KHDRBS3: variants seen among roughly 807,000 people sequenced by gnomAD.
KHDRBS3 encodes the protein KH RNA binding domain containing, signal transduction associated 3.
KHDRBS3 carries 23 observed loss-of-function variants against 45.6 expected under a neutral mutation model. That is an observed-to-expected ratio of 0.50 (90% CI 0.36 to 0.72). KHDRBS3 has a LOEUF of 0.72. KHDRBS3 is among the 30% of genes least tolerant of loss of function. The probability of loss-of-function intolerance (pLI) is 0.00; values close to 1 mark genes in which losing one functional copy is unlikely to be tolerated. For missense variants in KHDRBS3, 352 were observed against 424.8 expected, an observed-to-expected ratio of 0.83 and a Z score of 1.51; for synonymous variants, 162 against 156.5, an observed-to-expected ratio of 1.04 and a Z score of -0.26.
intron 6 of KHDRBS3, among the ~76,000 whole-genome samples, chr8:135,588,224 G>A (rs562779065): frequency 2.2e-4 from 33 of 152,106 alleles, no homozygotes; most frequent in Non-Finnish European, 3.5e-4. Context: ...TTGTTAGAAC[G>A]GCTCAGAACT....
downstream of KHDRBS3, among the ~76,000 whole-genome samples, chr8:135,649,344 C>T (rs1831382875): frequency 6.6e-6 from 1 of 152,024 alleles, no homozygotes; most frequent in Non-Finnish European, 1.5e-5. Flanking sequence ...GATGCTTATC[C>T]CATGCAGTTG....
chr8:135,646,040 C>T (rs890059073), intron 8 of KHDRBS3, among the ~76,000 whole-genome samples: 8 of 113,100 alleles, frequency 7.1e-5, no homozygotes, highest in African/African-American at 2.5e-4. Context: ...GTAACAAACA[C>T]TTAAGAGAAA....
At chr8:135,614,847 G>A (rs1829853105) in intron 7 of KHDRBS3, among the ~76,000 whole-genome samples, 1 of 151,860 alleles carries the variant, frequency 6.6e-6, no homozygotes, top group East Asian at 1.9e-4. Context: ...GTAGATACGT[G>A]GACCACTGCA....
intron 6 of KHDRBS3, among the ~76,000 whole-genome samples, chr8:135,594,692 A>G (rs1828895632): frequency 1.3e-5 from 2 of 152,240 alleles, no homozygotes; most frequent in African/African-American, 4.8e-5. Flanking sequence ...TGTAATATCC[A>G]GTACTATTCA....
At chr8:135,601,794 C>T (rs1347738585) in intron 6 of KHDRBS3, among the ~76,000 whole-genome samples, 1 of 152,160 alleles carries the variant, frequency 6.6e-6, no homozygotes, top group Non-Finnish European at 1.5e-5. Flanking sequence ...TACTTTGATT[C>T]CACTCAATTA....
chr8:135,573,114 G>GC (rs1208007792), intron 5 of KHDRBS3, among the ~76,000 whole-genome samples: 1 of 152,010 alleles, frequency 6.6e-6, no homozygotes, highest in Non-Finnish European at 1.5e-5. Context: ...GATCTTGCAG[G>GC]CCCCACTCTG....
chr8:135,655,598 G>A (rs913886778), intron 4 of KHDRBS3, among the ~76,000 whole-genome samples: 1 of 152,184 alleles, frequency 6.6e-6, no homozygotes, highest in Admixed American at 6.5e-5. Context: ...GGAGCCATCG[G>A]CGATGTCCTG....
intron 1 of KHDRBS3, among the ~76,000 whole-genome samples, chr8:135,519,048 T>C (rs1195324838): frequency 6.6e-6 from 1 of 152,232 alleles, no homozygotes; most frequent in Non-Finnish European, 1.5e-5. Context: ...CATAGTGTAG[T>C]ACAAGAAAGC....
chr8:135,572,500 AAC>A (rs1201914084), intron 5 of KHDRBS3, among the ~76,000 whole-genome samples: 3 of 152,198 alleles, frequency 2.0e-5, no homozygotes, highest in East Asian at 1.9e-4. Context: ...GATTGGATGA[AAC>A]ACAGAATAAA....
chr8:135,553,919 T>G (rs1255082761), intron 4 of KHDRBS3, among the ~76,000 whole-genome samples: 1 of 152,164 alleles, frequency 6.6e-6, no homozygotes, highest in African/African-American at 2.4e-5. Context: ...AGAAATAAGT[T>G]AGTCTGTAAG....
intron 2 of KHDRBS3, among the ~76,000 whole-genome samples, chr8:135,530,829 A>C (rs1001985140): frequency 2.0e-5 from 3 of 152,166 alleles, no homozygotes; most frequent in African/African-American, 7.2e-5. Context: ...TTCAGATACC[A>C]TTCATTTACT....
intron 7 of KHDRBS3, among the ~76,000 whole-genome samples, chr8:135,640,308 A>C (rs1831008219): frequency 1.3e-5 from 2 of 152,098 alleles, no homozygotes; most frequent in South Asian, 4.1e-4. Context: ...AGGCTCAAAG[A>C]GGTTGCAGGA....
intron 4 of KHDRBS3, among the ~76,000 whole-genome samples, chr8:135,552,929 G>T (rs1158965669): frequency 2.6e-5 from 4 of 151,950 alleles, no homozygotes; most frequent in African/African-American, 7.3e-5. Flanking sequence ...GAAGACTCTC[G>T]CCATGTCCAC....
At chr8:135,612,707 C>G (rs35736361) in intron 7 of KHDRBS3, among the ~76,000 whole-genome samples, 31,094 of 151,628 alleles carry the variant, frequency 0.21, 3,872 homozygotes, top group Middle Eastern at 0.29. Flanking sequence ...CAAAGCTGTT[C>G]TGCAGATGTT....
chr8:135,599,325 A>G (rs942108587), intron 6 of KHDRBS3, among the ~76,000 whole-genome samples: 1 of 152,212 alleles, frequency 6.6e-6, no homozygotes, highest in Non-Finnish European at 1.5e-5. Context: ...TTTCTCATCC[A>G]TGTTTGTTCA....
At chr8:135,520,980 G>C (rs970818405) in intron 1 of KHDRBS3, among the ~76,000 whole-genome samples, 1 of 152,060 alleles carries the variant, frequency 6.6e-6, no homozygotes, top group South Asian at 2.1e-4. Flanking sequence ...TTATTTTTGT[G>C]TTGTTTATCT....
intron 1 of KHDRBS3, among the ~76,000 whole-genome samples, chr8:135,493,950 A>G (rs976340369): frequency 2.0e-5 from 3 of 152,154 alleles, no homozygotes; most frequent in East Asian, 1.9e-4. Flanking sequence ...TAGAAGGCCT[A>G]TTCATGCTAT....
intron 1 of KHDRBS3, among the ~76,000 whole-genome samples, chr8:135,492,538 C>T (rs1035272949): frequency 1.4e-4 from 19 of 134,634 alleles, no homozygotes; most frequent in Admixed American, 1.2e-3. Context: ...TATATATTTC[C>T]TCTAAAACCA....
chr8:135,642,342 C>T (rs542511313), intron 7 of KHDRBS3, among the ~76,000 whole-genome samples: 121 of 152,326 alleles, frequency 7.9e-4, no homozygotes, highest in African/African-American at 2.7e-3. Flanking sequence ...TGGGCCTCAG[C>T]TGCCTCGTCT....
Sources: gnomAD v4.1 joint callset for allele counts (sites outside exome capture counted in the v4.1 genomes callset) on GRCh38, gnomAD v4.1.1 for gene constraint, MANE v1.5 for transcripts, NCBI Gene and HGNC (gene_info 2026-07-23, HGNC 2026-07-21) for gene names.